Variants in ACIN1 observed in about 807,000 individuals in gnomAD.
ACIN1 encodes the protein apoptotic chromatin condensation inducer in the nucleus.
Under a neutral mutation model 146.6 loss-of-function variants are expected in ACIN1, and 16 were observed. The observed-to-expected ratio is 0.11, with a 90% CI of 0.07 to 0.17. The LOEUF (loss-of-function observed/expected upper bound fraction) is 0.17, where lower values mean the gene tolerates loss of function less well. Among genes scored for constraint, ACIN1 ranks in the 10% least tolerant of loss-of-function variants. ACIN1 has a pLI of 1.00. For synonymous variants in ACIN1, 569 were observed against 582.7 expected, an observed-to-expected ratio of 0.98 and a Z score of 0.34; for missense variants, 1,357 against 1,609.3, an observed-to-expected ratio of 0.84 and a Z score of 2.68.
rs1374744383 is a variant in ACIN1 at position 23,093,447 on chromosome 14, GCCCACTCCATTGAATA to G, written c.204+16_204+31del. The G allele has an allele frequency of 6.3e-7, 1 of 1,588,318 alleles. No homozygotes were observed. The highest frequency in any genetic ancestry group is 1.3e-5 in the African/African-American group (1 of 74,244). On this transcript the variant is annotated intron_variant, in intron 2 of 18. Transcript: ENST00000605057. ...TTCCATGTGTCTGGATATCCAAAGG[GCCCACTCCATTGAATA>G]CACCTTCTTTCTCACCTGGGAATTT...
At chr14:23,065,253 G>A (rs2047416301) in intron 10 of ACIN1, among the ~76,000 whole-genome samples, 1 of 152,188 alleles carries the variant, frequency 6.6e-6, no homozygotes, top group African/African-American at 2.4e-5. Context: ...ACTGTTTGAG[G>A]TGTGGGGCAC....
intron 9 of ACIN1, 77 bp from the exon 10 acceptor site, chr14:23,066,085 G>C (rs2047446022): frequency 8.4e-7 from 1 of 1,190,240 alleles, no homozygotes; most frequent in Non-Finnish European, 1.2e-6. Context: ...GGTTAGATGG[G>C]GCAGTCTTAG....
rs2047498629 is a variant in ACIN1 at position 23,067,575 on chromosome 14, G to GCT, written c.2266-1569_2266-1568dup. The GCT allele has an allele frequency of 3.0e-6, 3 of 985,946 alleles. No homozygotes were observed. The highest frequency in any genetic ancestry group is 3.6e-6 in the Non-Finnish European group (3 of 830,042). 61.1% of individuals were successfully genotyped at this position (985,946 alleles called of 1,614,324 possible). A position where few individuals can be genotyped will look rare whatever the true frequency, so the allele number is the denominator to read the frequency against. ...AAGACAGTTCACTGGCGGTGGCCAG[G>GCT]CTCAGCGAGGGATAGAGGGGGGAAA... On this transcript the variant is annotated intron_variant, in intron 9 of 18. Coordinates refer to ENST00000605057, the MANE Select transcript of ACIN1 (RefSeq NM_001386863.1). The surrounding 1 kb of genome is among the most constrained non-coding windows in gnomAD (Gnocchi z 4.6).
At position 23,062,440 on chromosome 14, in the gene ACIN1, C is replaced by T. The variant is rs750117406; in HGVS notation, c.2967G>A (p.Lys989=). Residue 989 remains lysine, a synonymous_variant, in exon 15 of 19, where the codon AAG becomes AAA. Transcript: ENST00000605057. ...CCGTTACAAAGCAATGAGATTTGATCTTGTCAATCCAGAAGGCCTCTTCCA... is the reference window on the plus strand; with the variant it reads ...CCGTTACAAAGCAATGAGATTTGATTTTGTCAATCCAGAAGGCCTCTTCCA... ...TLVEEAFWID[K]IKSHCFVTYS... 6.2e-7 allele frequency: 1 copy of T among 1,614,178 alleles called. No individual in the cohort carries two copies. The highest frequency in any genetic ancestry group is 2.2e-5 in the East Asian group (1 of 44,894).
chr14:23,067,959 A>C lies in ACIN1; in HGVS notation c.2265+1517T>G. On this transcript the variant is annotated intron_variant, in intron 9 of 18. Coordinates refer to ENST00000605057, the MANE Select transcript of ACIN1 (RefSeq NM_001386863.1). This position sits in a 1 kb window ranked among gnomAD's most constrained non-coding sequence, Gnocchi z 4.6. ...AGTTGTGGCTGGCATCTCCTCAGGG[A>C]CTCCAGCTGAGACAGTGGTTCCAGT... is the stretch of plus-strand genomic sequence containing the variant. The C allele has an allele frequency of 7.1e-6, 7 of 985,568 alleles. No individual in the cohort carries two copies. Among genetic ancestry groups the C allele is most frequent in the Non-Finnish European group, 8.4e-6 (7 of 829,888 alleles). 61.1% of individuals were successfully genotyped at this position (985,568 alleles called of 1,614,324 possible). A position where few individuals can be genotyped will look rare whatever the true frequency, so the allele number is the denominator to read the frequency against.
At position 23,068,709 on chromosome 14, in the gene ACIN1, T is replaced by C. The variant is rs751102096; in HGVS notation, c.2265+767A>G. The C allele has an allele frequency of 1.7e-5, 17 of 985,524 alleles. No homozygotes were observed. Among genetic ancestry groups the C allele is most frequent in the Non-Finnish European group, 2.0e-5 (17 of 829,984 alleles). 61.0% of individuals were successfully genotyped at this position (985,524 alleles called of 1,614,324 possible). A position where few individuals can be genotyped will look rare whatever the true frequency, so the allele number is the denominator to read the frequency against. ...TTTACGGGGAAGAAGGACCTTGTAA[T>C]AAATAATATTCTGCACATCAAATCA... is the stretch of plus-strand genomic sequence containing the variant. On this transcript the variant is annotated intron_variant, in intron 9 of 18. Coordinates refer to ENST00000605057, the MANE Select transcript of ACIN1 (RefSeq NM_001386863.1). This position sits in a 1 kb window ranked among gnomAD's most constrained non-coding sequence, Gnocchi z 4.3.
At chr14:23,076,366 G>A (rs2047802223) in intron 8 of ACIN1, 1 of 152,108 alleles carries the variant, frequency 6.6e-6, no homozygotes, top group Non-Finnish European at 1.5e-5. Flanking sequence ...GGCAACAATG[G>A]ACAATCTAAG....
rs771917667 is a variant in ACIN1, at chr14:23,065,954, G to C, written c.2308+12C>G. The C allele has an allele frequency of 6.2e-7, 1 of 1,612,702 alleles. No individual in the cohort carries two copies. The highest frequency in any genetic ancestry group is 1.1e-5 in the South Asian group (1 of 91,038). On this transcript the variant is annotated intron_variant, in intron 10 of 18. Transcript: ENST00000605057. ...TTCCTGACTTTTATCAGGGATTTGG[G>C]GCTGGACTTACAGACAACGGAGATC...
At chr14:23,070,973 T>C (rs1351944087) in intron 8 of ACIN1, among the ~76,000 whole-genome samples, 2 of 151,976 alleles carry the variant, frequency 1.3e-5, no homozygotes, top group Non-Finnish European at 2.9e-5. Flanking sequence ...TGGGGCCAAT[T>C]AGAAACTGGG....
rs554970627 is a variant in ACIN1, at chr14:23,071,515, C to T, written c.2124-1898G>A. 371 of 1,551,470 alleles carry T rather than the reference C, an allele frequency of 2.4e-4. 3 individuals carry two copies. In the South Asian group the frequency reaches 3.4e-3, roughly 14 times the overall value. On this transcript the variant is annotated intron_variant, in intron 8 of 18. Transcript: ENST00000605057. Reference sequence around the variant, plus strand: ...GTAGTGGCTGGCTCTATTGTATTGGCGGAGCGGCAGCGATCAGCCGGAGAC... The same window carrying T: ...GTAGTGGCTGGCTCTATTGTATTGGTGGAGCGGCAGCGATCAGCCGGAGAC...
intron 8 of ACIN1, 48 bp downstream of exon 8, chr14:23,078,103 G>A (rs367646551): frequency 2.3e-5 from 36 of 1,544,826 alleles, no homozygotes; most frequent in African/African-American, 4.1e-5. Flanking sequence ...AAGAACTATC[G>A]CACACTCATA....
In ACIN1 at chr14:23,070,926, CA is replaced by C. The variant is rs200043212; in HGVS notation, c.2124-1310del. Among the ~76,000 whole-genome samples, 6 of 151,874 alleles carry C rather than the reference CA, an allele frequency of 4.0e-5. No homozygotes were observed. In the South Asian group the frequency reaches 8.3e-4, roughly 21 times the overall value. ...CTTACATCTAGAGAAAAGGCTTATA[CA>C]AAAAAAATATCTATTTCCCATACAG... On this transcript the variant is annotated intron_variant, in intron 8 of 18. Transcript: ENST00000605057.
chr14:23,059,252 T>G lies in ACIN1; in HGVS notation c.3748A>C (p.Arg1250=), dbSNP rs969549783. The G allele has an allele frequency of 1.2e-6, 2 of 1,613,110 alleles. No homozygotes were observed. Among genetic ancestry groups the G allele is most frequent in the South Asian group, 2.2e-5 (2 of 91,040 alleles). Residue 1250 remains arginine (R), a synonymous_variant, in exon 19 of 19, where the codon AGG becomes CGG. Transcript: ENST00000605057. ...CTTTCCCTGCCTCGTTCTCGGTCCCTTTCCCTATCCCGATCTCGGTCCCCC... is the reference window on the plus strand; with the variant it reads ...CTTTCCCTGCCTCGTTCTCGGTCCCGTTCCCTATCCCGATCTCGGTCCCCC... ...DRGDRDRDRE[R]DRERGRERDR...
Position 23,063,501 on chromosome 14 carries a change from G to T in ACIN1, c.2672C>A (p.Pro891His). 1 of 1,614,188 alleles carries T rather than the reference G, an allele frequency of 6.2e-7. No individual in the cohort carries two copies. The highest frequency in any genetic ancestry group is 8.5e-7 in the Non-Finnish European group (1 of 1,180,032). The change falls in exon 13 of 19, where the codon CCT (proline) becomes CAT (histidine). Residue 891 changes from proline to histidine, a missense_variant. By Grantham distance (77) the Pro-to-His change is moderately conservative (BLOSUM62 -2). Coordinates refer to ENST00000605057, the MANE Select transcript of ACIN1 (RefSeq NM_001386863.1). ...CTCTACTGACACCTGGGGAGGTACAGGAGGTTCTGCTTCAGGTTCCTTCTC... is the reference window on the plus strand; with the variant it reads ...CTCTACTGACACCTGGGGAGGTACATGAGGTTCTGCTTCAGGTTCCTTCTC... ...EEEKEPEAEP[P>H]VPPQVSVEVA...
chr14:23,085,353 GAAC>G (rs201855965), intron 4 of ACIN1, among the ~76,000 whole-genome samples: 1 of 152,046 alleles, frequency 6.6e-6, no homozygotes, highest in African/African-American at 2.4e-5. Context: ...ACAACAACAA[GAAC>G]AACAACAACA....
At chr14:23,095,482 G>A (rs1566764124), upstream of ACIN1, 42 of 774,342 alleles carry the variant, frequency 5.4e-5, no homozygotes, top group South Asian at 8.4e-4. Flanking sequence ...GGGTGTTTGG[G>A]GCGGGTCCGA....
intron 8 of ACIN1, among the ~76,000 whole-genome samples, chr14:23,073,393 T>G (rs1474218043): frequency 6.6e-6 from 1 of 152,160 alleles, no homozygotes; most frequent in African/African-American, 2.4e-5. Flanking sequence ...AAAAAAAAAT[T>G]TTTTGGCTGG....
In ACIN1 at chr14:23,059,148, C is replaced by T. The variant is rs2047185527; in HGVS notation, c.3852G>A (p.Ter1284=). The stretch of plus-strand genomic sequence containing the variant: ...ACCTGCAGCTCTAGTGTTTTCCCAG[C>T]TAGCGGCGCCCACCCCGGTCCCGCA... The part of the protein sequence containing the change: ...TPVRDRGGRR[*] The change falls in exon 19 of 19, where the codon TAG becomes TAA. Residue 1284 remains the stop codon, a stop_retained_variant. Transcript: ENST00000605057. 9 of 1,612,672 alleles carry T rather than the reference C, an allele frequency of 5.6e-6. No homozygotes were observed. The highest frequency in any genetic ancestry group is 7.6e-6 in the Non-Finnish European group (9 of 1,179,258).
intron 3 of ACIN1, 91 bp from the exon 4 acceptor site, chr14:23,090,192 C>T: frequency 6.6e-7 from 1 of 1,506,346 alleles, no homozygotes; most frequent in South Asian, 1.3e-5. Context: ...CAGGCAAAGT[C>T]ACAGATACAG....
Sources: allele counts gnomAD v4.1 joint callset (sites outside exome capture counted in the v4.1 genomes callset), GRCh38; gene constraint gnomAD v4.1.1; non-coding constraint Gnocchi (gnomAD v3.1); transcripts MANE v1.5; gene names NCBI Gene and HGNC (gene_info 2026-07-23, HGNC 2026-07-21).